The following USP6NL variants were observed in gnomAD, a reference collection of about 807,000 sequenced individuals.
USP6NL encodes USP6 N-terminal-like protein.
USP6NL carries 26 observed loss-of-function variants against 61.9 expected under a neutral mutation model. The ratio of observed to expected loss-of-function variants is 0.42; its 90% CI spans 0.31 to 0.58. The LOEUF is 0.58. Among genes scored for constraint, USP6NL ranks in the 20% least tolerant of loss-of-function variants. The pLI, the probability that USP6NL is intolerant of heterozygous loss-of-function variation, is 0.16. For synonymous variants in USP6NL, 432 were observed against 390.1 expected (o/e 1.11, Z -1.27); for missense variants, 1,114 against 1,034.3 (o/e 1.08, Z -1.06).
rs1183366827 is a variant in USP6NL at position 11,461,161 on chromosome 10, C to G, written c.*1280G>C. 1.3e-5 allele frequency: 2 copies of G among 152,500 alleles called. No individual in the cohort carries two copies. Among genetic ancestry groups the G allele is most frequent in the Non-Finnish European group, 2.9e-5 (2 of 68,030 alleles). 9.4% of individuals were successfully genotyped at this position (152,500 alleles called of 1,614,324 possible). A position where few individuals can be genotyped will look rare whatever the true frequency, so the allele number is the denominator to read the frequency against. On this transcript the variant is annotated 3_prime_UTR_variant, in exon 15 of 15. Transcript: ENST00000609104. Reference sequence around the variant, plus strand: ...CCAATTAAACACGAAGTCATACTCTCTTGGAGTGCCTAAATCTTTGTCAGT... The same window carrying G: ...CCAATTAAACACGAAGTCATACTCTGTTGGAGTGCCTAAATCTTTGTCAGT...
At chr10:11,483,621 GAGAAGGGGAGGGAGA>G (rs1833322488) in intron 13 of USP6NL, among the ~76,000 whole-genome samples, 1 of 12,828 alleles carries the variant, frequency 7.8e-5, no homozygotes, top group Non-Finnish European at 1.5e-4. Context: ...GAGAGGGGGG[GAGAAGGGGAGGGAGA>G]GGGGGAGGGG....
intron 2 of USP6NL, among the ~76,000 whole-genome samples, chr10:11,577,481 T>C (rs759001195): frequency 9.2e-5 from 14 of 152,104 alleles, no homozygotes; most frequent in African/African-American, 1.2e-4. Context: ...AACTTCTGTA[T>C]ATTAGTTGTT....
chr10:11,522,710 A>G (rs1835260286), intron 4 of USP6NL, among the ~76,000 whole-genome samples: 1 of 152,236 alleles, frequency 6.6e-6, no homozygotes, highest in African/African-American at 2.4e-5. Context: ...CTATCTTAGT[A>G]CGTATCTCAA....
chr10:11,495,000 G>A (rs903263848), intron 7 of USP6NL, among the ~76,000 whole-genome samples: 2 of 152,068 alleles, frequency 1.3e-5, no homozygotes, highest in Non-Finnish European at 2.9e-5. Context: ...CCGGGGAAAG[G>A]GAGACTCCCT....
chr10:11,566,729 T>A (rs1365279639), intron 2 of USP6NL, among the ~76,000 whole-genome samples: 1 of 152,264 alleles, frequency 6.6e-6, no homozygotes, highest in East Asian at 1.9e-4. Context: ...TTCAACCACA[T>A]GTGGCTACTG....
At chr10:11,560,702 AAT>A (rs1555171602) in intron 2 of USP6NL, among the ~76,000 whole-genome samples, 2 of 122,608 alleles carry the variant, frequency 1.6e-5, no homozygotes, top group South Asian at 3.2e-4. Flanking sequence ...AACAGTAAAA[AAT>A]ATATATATAT....
At chr10:11,538,299 C>T (rs948909833) in intron 2 of USP6NL, among the ~76,000 whole-genome samples, 3 of 152,112 alleles carry the variant, frequency 2.0e-5, no homozygotes, top group Admixed American at 1.3e-4. Context: ...ATATGCTCCA[C>T]CTTACCACTG....
At chr10:11,475,596 C>CAAAAAAAAAAAAAAA (rs35589300) in intron 14 of USP6NL, among the ~76,000 whole-genome samples, 4 of 38,698 alleles carry the variant, frequency 1.0e-4, no homozygotes, top group Admixed American at 3.0e-4. Context: ...AACTCTGTCG[C>CAAAAAAAAAAAAAAA]AAAAAAAAAA....
At position 11,485,457 on chromosome 10, in the gene USP6NL, T is replaced by TTA. The variant is rs1833421327; in HGVS notation, c.760-225_760-224dup. 6.6e-6 allele frequency among the ~76,000 whole-genome samples: 1 copy of TTA among 152,122 alleles called. No homozygotes were observed. The highest frequency in any genetic ancestry group is 1.5e-5 in the Non-Finnish European group (1 of 68,014). On this transcript the variant is annotated intron_variant, in intron 11 of 14. Transcript: ENST00000609104. This position sits in a 1 kb window ranked among gnomAD's most constrained non-coding sequence, Gnocchi z 4.8. ...CTTTGTTTTACTAAACTACTGTGTT[T>TTA]TATAGTAAGGCATATATATAGTTCA...
At chr10:11,579,536 C>T (rs1425596640) in intron 2 of USP6NL, among the ~76,000 whole-genome samples, 3 of 152,186 alleles carry the variant, frequency 2.0e-5, no homozygotes, top group Admixed American at 2.0e-4. Context: ...TCCATGCACC[C>T]TGCCTACAGG....
At chr10:11,541,932 T>C (rs1445816350) in intron 2 of USP6NL, among the ~76,000 whole-genome samples, 1 of 152,222 alleles carries the variant, frequency 6.6e-6, no homozygotes, top group African/African-American at 2.4e-5. Flanking sequence ...TATAACATAG[T>C]ACGGTGACTA....
Position 11,575,847 on chromosome 10 carries a change from G to A in USP6NL, c.4+21784C>T, listed in dbSNP as rs1385830845. ...ACTGAGAAAGTGTTACAGATTAATCGAGTCAGGATAACAAAATGCAAAACA... is the reference window on the plus strand; with the variant it reads ...ACTGAGAAAGTGTTACAGATTAATCAAGTCAGGATAACAAAATGCAAAACA... On this transcript the variant is annotated intron_variant, in intron 2 of 14. Transcript: ENST00000609104. This position sits in a 1 kb window ranked among gnomAD's most constrained non-coding sequence, Gnocchi z 4.2. Among the ~76,000 whole-genome samples the A allele has an allele frequency of 2.0e-5, 3 of 152,114 alleles. No homozygotes were observed. The highest frequency in any genetic ancestry group is 4.4e-5 in the Non-Finnish European group (3 of 68,006).
intron 2 of USP6NL, among the ~76,000 whole-genome samples, chr10:11,554,914 C>T (rs1227094347): frequency 6.7e-6 from 1 of 149,122 alleles, no homozygotes. Flanking sequence ...ATTCTCCTGC[C>T]TCAGCCTCCT....
intron 7 of USP6NL, among the ~76,000 whole-genome samples, chr10:11,494,305 G>A (rs1205007677): frequency 6.6e-6 from 1 of 152,048 alleles, no homozygotes; most frequent in Non-Finnish European, 1.5e-5. Context: ...TACTGGGTTT[G>A]GATCTATTTT....
chr10:11,553,891 A>G lies in USP6NL; in HGVS notation c.5-26324T>C, dbSNP rs1321914136. ...GGGCAACAGAGTAAGACTCCATCTC[A>G]AAAAAAAAAAAAAGCAAGATTAAAA... On this transcript the variant is annotated intron_variant, in intron 2 of 14. Coordinates refer to ENST00000609104, the MANE Select transcript of USP6NL (RefSeq NM_014688.5). This position sits in a 1 kb window ranked among gnomAD's most constrained non-coding sequence, Gnocchi z 4.8. Among the ~76,000 whole-genome samples, 1 of 27,280 alleles carries G rather than the reference A, an allele frequency of 3.7e-5. No homozygotes were observed. The highest frequency in any genetic ancestry group is 0.013 in the East Asian group (1 of 78). The allele number at this position is 27,280 out of a possible 152,430, so 17.9% of individuals were successfully genotyped here. A position where few individuals can be genotyped will look rare whatever the true frequency, so the allele number is the denominator to read the frequency against.
intron 2 of USP6NL, among the ~76,000 whole-genome samples, chr10:11,546,424 C>T (rs1169766954): frequency 1.3e-5 from 2 of 151,982 alleles, no homozygotes; most frequent in Admixed American, 6.6e-5. Flanking sequence ...TTTTTTCAGA[C>T]GGAGTCTTGA....
chr10:11,574,766 C>T lies in USP6NL; in HGVS notation c.4+22865G>A, dbSNP rs937422341. On this transcript the variant is annotated intron_variant, in intron 2 of 14. Transcript: ENST00000609104. This position sits in a 1 kb window ranked among gnomAD's most constrained non-coding sequence, Gnocchi z 4.3. ...ATCCCAGAGCAAATCAGAGGCAGTT[C>T]CTTTGCCTTCAGACAGTTAAAGGCT... 6.6e-6 allele frequency among the ~76,000 whole-genome samples: 1 copy of T among 152,166 alleles called. No individual in the cohort carries two copies. The highest frequency in any genetic ancestry group is 2.4e-5 in the African/African-American group (1 of 41,422).
In USP6NL at chr10:11,543,898, G is replaced by A. The variant is rs192472340; in HGVS notation, c.5-16331C>T. On this transcript the variant is annotated intron_variant, in intron 2 of 14. Coordinates refer to ENST00000609104, the MANE Select transcript of USP6NL (RefSeq NM_014688.5). ...GCAGTCTCGGCTCACTGCAACCTCC[G>A]CCTCCTGGGTTCATACCATTCTCCT... 1.8e-3 allele frequency among the ~76,000 whole-genome samples: 228 copies of A among 123,920 alleles called. 3 individuals are homozygous for A. The highest frequency in any genetic ancestry group is 6.7e-3 in the African/African-American group (224 of 33,560). The allele number at this position is 123,920 out of a possible 152,430, so 81.3% of individuals were successfully genotyped here.
rs1295461384 is a variant in USP6NL, at chr10:11,489,157, T to G, written c.609A>C (p.Glu203Asp). 1 of 1,614,002 alleles carries G rather than the reference T, an allele frequency of 6.2e-7. No individual in the cohort carries two copies. The highest frequency in any genetic ancestry group is 8.5e-7 in the Non-Finnish European group (1 of 1,179,878). The change falls in exon 10 of 15, where the codon GAA becomes GAC. Residue 203 changes from glutamate (E) to aspartate (D), a missense_variant. Physicochemically the swap from Glu to Asp is conservative, Grantham distance 45 (BLOSUM62 2). Transcript: ENST00000609104. This position sits in a 1 kb window ranked among gnomAD's most constrained non-coding sequence, Gnocchi z 5.7. ...GTTTGACCAGGGCCCAGAAGGCATCTTCCTCGTTCATATACATGAGGAGTA... is the reference window on the plus strand; with the variant it reads ...GTTTGACCAGGGCCCAGAAGGCATCGTCCTCGTTCATATACATGAGGAGTA... ...TALLLMYMNE[E>D]DAFWALVKLF...
Sources: gnomAD v4.1 joint callset for allele counts (sites outside exome capture counted in the v4.1 genomes callset) on GRCh38, gnomAD v4.1.1 for gene constraint, Gnocchi (gnomAD v3.1) non-coding constraint, MANE v1.5 for transcripts, NCBI Gene and HGNC (gene_info 2026-07-23, HGNC 2026-07-21) for gene names.